ANKS1B: variants seen among roughly 807,000 people sequenced by gnomAD.
ANKS1B encodes the protein ankyrin repeat and sterile alpha motif domain containing 1B.
A neutral mutation model predicts 148.3 loss-of-function variants in ANKS1B; 36 were observed. That is an observed-to-expected ratio of 0.24 (90% CI 0.19 to 0.32). The LOEUF is 0.32. ANKS1B is among the 10% of genes least tolerant of loss of function. The probability of loss-of-function intolerance (pLI) is 1.00; values close to 1 mark genes in which losing one functional copy is unlikely to be tolerated. For missense variants in ANKS1B, 1,157 were observed against 1,542.6 expected, an observed-to-expected ratio of 0.75 and a Z score of 4.19; for synonymous variants, 542 against 560.8, an observed-to-expected ratio of 0.97 and a Z score of 0.47.
intron 15 of ANKS1B, among the ~76,000 whole-genome samples, chr12:99,099,354 A>G (rs1473085173): frequency 6.6e-6 from 1 of 152,222 alleles, no homozygotes; most frequent in African/African-American, 2.4e-5. Context: ...GATGGAGGTA[A>G]TGTGGCACTG....
intron 8 of ANKS1B, among the ~76,000 whole-genome samples, chr12:99,703,993 A>G (rs531179281): frequency 1.6e-4 from 24 of 152,276 alleles, no homozygotes; most frequent in Non-Finnish European, 2.8e-4. Context: ...ATAGCGTATC[A>G]AGAATAATGT....
At chr12:99,044,160 T>G (rs2099960805) in intron 17 of ANKS1B, among the ~76,000 whole-genome samples, 1 of 152,240 alleles carries the variant, frequency 6.6e-6, no homozygotes, top group Non-Finnish European at 1.5e-5. Flanking sequence ...TCAAAGCTCT[T>G]GGAAGCACAG....
intron 12 of ANKS1B, among the ~76,000 whole-genome samples, chr12:99,355,606 T>C (rs1479191222): frequency 1.3e-5 from 2 of 152,294 alleles, no homozygotes; most frequent in East Asian, 3.9e-4. Flanking sequence ...TCAGATTTCA[T>C]TTCTCATTTA....
At chr12:99,197,198 A>G (rs1192738996) in intron 14 of ANKS1B, among the ~76,000 whole-genome samples, 1 of 152,190 alleles carries the variant, frequency 6.6e-6, no homozygotes, top group African/African-American at 2.4e-5. Context: ...AAGTGCTTCA[A>G]AGAAAATCAG....
At chr12:99,858,697 T>A (rs2089583534) in intron 1 of ANKS1B, among the ~76,000 whole-genome samples, 1 of 151,862 alleles carries the variant, frequency 6.6e-6, no homozygotes, top group South Asian at 2.1e-4. Flanking sequence ...TACTCAGCAA[T>A]AAAAGGGAAC....
intron 16 of ANKS1B, among the ~76,000 whole-genome samples, chr12:99,084,085 T>G (rs866120528): frequency 7.2e-5 from 11 of 152,198 alleles, no homozygotes; most frequent in South Asian, 2.1e-4. Context: ...AAATTGCATC[T>G]GGACTAGGAG....
chr12:99,768,535 A>G (rs2062866123), intron 8 of ANKS1B, among the ~76,000 whole-genome samples: 1 of 152,064 alleles, frequency 6.6e-6, no homozygotes, highest in African/African-American at 2.4e-5. Context: ...CATATAAGAA[A>G]ACATCAGGAG....
rs373514998 is a variant in ANKS1B at position 98,801,069 on chromosome 12, G to A, written c.3198C>T (p.Ala1066=). Residue 1066 remains alanine (A), a synonymous_variant, in exon 21 of 27, where the codon GCC becomes GCT. Coordinates refer to ENST00000683438, the MANE Select transcript of ANKS1B (RefSeq NM_001352186.2). This position sits in a 1 kb window ranked among gnomAD's most constrained non-coding sequence, Gnocchi z 5.2. ...ITLRPPNEAT[A]STPVQYWQHH... ...GCTGCCAGTACTGTACCGGGGTAGA[G>A]GCTGTGGCTTCATTCGGAGGTCGCA... 23 of 1,612,844 alleles carry A rather than the reference G, an allele frequency of 1.4e-5. No homozygotes were observed. Among genetic ancestry groups the A allele is most frequent in the Non-Finnish European group, 1.9e-5 (22 of 1,179,496 alleles).
At chr12:99,348,505 T>A (rs560502934) in intron 12 of ANKS1B, among the ~76,000 whole-genome samples, 1 of 151,848 alleles carries the variant, frequency 6.6e-6, no homozygotes, top group Admixed American at 6.6e-5. Flanking sequence ...AACTGACATA[T>A]TATAATCAAA....
At chr12:99,805,978 C>T (rs1008184055) in intron 4 of ANKS1B, among the ~76,000 whole-genome samples, 3 of 152,108 alleles carry the variant, frequency 2.0e-5, no homozygotes, top group Non-Finnish European at 4.4e-5. Flanking sequence ...GTTCTCAATC[C>T]CAAAGGACAG....
downstream of ANKS1B, among the ~76,000 whole-genome samples, chr12:98,739,435 G>A (rs1042830501): frequency 9.2e-5 from 14 of 152,178 alleles, no homozygotes; most frequent in African/African-American, 1.2e-4. Flanking sequence ...GGGGGAATGC[G>A]TTGGATTTGC....
chr12:99,687,079 C>T (rs1230087600), intron 8 of ANKS1B, among the ~76,000 whole-genome samples: 1 of 152,116 alleles, frequency 6.6e-6, no homozygotes, highest in Non-Finnish European at 1.5e-5. Flanking sequence ...CCTACCTTCA[C>T]TTATGAAATA....
At chr12:99,869,625 G>C (rs548355344) in intron 1 of ANKS1B, among the ~76,000 whole-genome samples, 4 of 152,084 alleles carry the variant, frequency 2.6e-5, no homozygotes, top group African/African-American at 9.6e-5. Flanking sequence ...AGGTTGTGGT[G>C]GGCCAAGATC....
At chr12:99,692,780 T>C (rs775057014) in intron 8 of ANKS1B, among the ~76,000 whole-genome samples, 20 of 152,066 alleles carry the variant, frequency 1.3e-4, no homozygotes, top group African/African-American at 4.6e-4. Flanking sequence ...AGGGGAAGTC[T>C]ATGGGAGGAA....
intron 19 of ANKS1B, among the ~76,000 whole-genome samples, chr12:98,824,589 A>T (rs1390340153): frequency 6.6e-6 from 1 of 152,254 alleles, no homozygotes; most frequent in Non-Finnish European, 1.5e-5. Context: ...AGACAAAAAA[A>T]TTGAAATTCA....
chr12:99,071,722 A>G (rs1045994032), intron 16 of ANKS1B, among the ~76,000 whole-genome samples: 1 of 150,426 alleles, frequency 6.6e-6, no homozygotes, highest in Non-Finnish European at 1.5e-5. Context: ...ATCTTGGCTC[A>G]CTGCAAGCTC....
intron 14 of ANKS1B, among the ~76,000 whole-genome samples, chr12:99,194,829 T>C (rs1318827244): frequency 6.6e-6 from 1 of 152,292 alleles, no homozygotes; most frequent in South Asian, 2.1e-4. Context: ...TTCAAAATAA[T>C]CCTGTGTGTA....
At chr12:99,325,765 A>C (rs540925340) in intron 12 of ANKS1B, among the ~76,000 whole-genome samples, 1 of 152,266 alleles carries the variant, frequency 6.6e-6, no homozygotes, top group African/African-American at 2.4e-5. Flanking sequence ...ACGATCCTAA[A>C]GACAAAGCAT....
chr12:99,207,796 T>G (rs2082865502), intron 14 of ANKS1B, among the ~76,000 whole-genome samples: 1 of 151,968 alleles, frequency 6.6e-6, no homozygotes, highest in South Asian at 2.1e-4. Context: ...AGAAAGAGAG[T>G]AATTTTTCTC....
Sources: gnomAD v4.1 joint callset for allele counts (sites outside exome capture counted in the v4.1 genomes callset) on GRCh38, gnomAD v4.1.1 for gene constraint, Gnocchi (gnomAD v3.1) non-coding constraint, MANE v1.5 for transcripts, NCBI Gene and HGNC (gene_info 2026-07-23, HGNC 2026-07-21) for gene names.